Variants in CCDC102B observed in about 807,000 individuals in gnomAD.
CCDC102B encodes the protein coiled-coil domain containing 102B, also known as coiled-coil domain-containing protein 102B.
Under a neutral mutation model 57.4 loss-of-function variants are expected in CCDC102B, and 75 were observed. The ratio of observed to expected loss-of-function variants is 1.31; its 90% CI spans 1.08 to 1.58. CCDC102B has a LOEUF of 1.58. CCDC102B is among the 40% of genes most tolerant of loss of function. The pLI, the probability that CCDC102B is intolerant of heterozygous loss-of-function variation, is 0.00. For missense variants in CCDC102B, 636 were observed against 582.6 expected (o/e 1.09, Z -0.94); for synonymous variants, 206 against 201.9 (o/e 1.02, Z -0.17).
At chr18:68,975,951 C>T (rs529994348) in intron 6 of CCDC102B, among the ~76,000 whole-genome samples, 6 of 151,468 alleles carry the variant, frequency 4.0e-5, no homozygotes, top group African/African-American at 1.5e-4. Flanking sequence ...TTTATTAGTA[C>T]GGACAGCAAT....
At chr18:68,736,732 C>T (rs1247548015) in intron 2 of CCDC102B, among the ~76,000 whole-genome samples, 11 of 152,070 alleles carry the variant, frequency 7.2e-5, no homozygotes, top group Admixed American at 7.2e-4. Context: ...GAGACTTATT[C>T]CCTATCACTA....
chr18:68,953,404 G>A (rs2049756186), intron 6 of CCDC102B, among the ~76,000 whole-genome samples: 1 of 145,062 alleles, frequency 6.9e-6, no homozygotes, highest in Admixed American at 6.9e-5. Flanking sequence ...AGTATGAGGT[G>A]GTATGTCATT....
intron 2 of CCDC102B, among the ~76,000 whole-genome samples, chr18:68,729,813 A>G (rs113165698): frequency 0.014 from 2,182 of 152,324 alleles, 56 homozygotes; most frequent in African/African-American, 0.048. Context: ...AGACACCATG[A>G]AGAAAGTGAA....
At chr18:68,857,352 A>T (rs1227355111) in intron 4 of CCDC102B, among the ~76,000 whole-genome samples, 1 of 100,390 alleles carries the variant, frequency 1.0e-5, no homozygotes, top group African/African-American at 3.8e-5. Flanking sequence ...ATATATTATA[A>T]ATATATATAT....
intron 4 of CCDC102B, among the ~76,000 whole-genome samples, chr18:68,864,626 A>G (rs546656549): frequency 6.6e-6 from 1 of 152,096 alleles, no homozygotes; most frequent in Non-Finnish European, 1.5e-5. Context: ...TATATCTTCC[A>G]CTACTTCATT....
intron 6 of CCDC102B, among the ~76,000 whole-genome samples, chr18:68,962,135 C>T (rs748508689): frequency 6.6e-6 from 1 of 152,062 alleles, no homozygotes; most frequent in Non-Finnish European, 1.5e-5. Context: ...AGCATATATT[C>T]CATGTTTTGC....
At chr18:69,012,113 T>C (rs2051534237) in intron 7 of CCDC102B, among the ~76,000 whole-genome samples, 1 of 152,144 alleles carries the variant, frequency 6.6e-6, no homozygotes, top group African/African-American at 2.4e-5. Flanking sequence ...AAGATATATA[T>C]GTACTTTGTA....
At chr18:68,998,987 TATATATATATATAG>T (rs370482288) in intron 6 of CCDC102B, among the ~76,000 whole-genome samples, 3,191 of 80,478 alleles carry the variant, frequency 0.04, 20 homozygotes, top group South Asian at 0.078. Context: ...TATATATATA[TATATATATATATAG>T]AGAGAGAGAG....
intron 6 of CCDC102B, among the ~76,000 whole-genome samples, chr18:68,954,459 A>G (rs1476704473): frequency 6.6e-6 from 1 of 152,106 alleles, no homozygotes; most frequent in African/African-American, 2.4e-5. Flanking sequence ...GAACTAGAAA[A>G]CACATTCTGA....
At chr18:69,002,433 C>CAA (rs2051227778) in intron 6 of CCDC102B, among the ~76,000 whole-genome samples, 1 of 152,176 alleles carries the variant, frequency 6.6e-6, no homozygotes, top group South Asian at 2.1e-4. Context: ...GCTGTATAAT[C>CAA]ATACTCTCAG....
chr18:68,866,764 T>A (rs2039004089), intron 4 of CCDC102B: 1 of 653,556 alleles, frequency 1.5e-6, no homozygotes, highest in Non-Finnish European at 2.9e-6. Flanking sequence ...TGCACGGGTC[T>A]GTCTTTTTGG....
At chr18:68,894,923 T>A (rs1417725061) in intron 5 of CCDC102B, among the ~76,000 whole-genome samples, 1 of 151,890 alleles carries the variant, frequency 6.6e-6, no homozygotes, top group African/African-American at 2.4e-5. Flanking sequence ...TAATGTTAAA[T>A]CAATTTATTT....
At chr18:68,886,050 AAT>A (rs200812969) in intron 5 of CCDC102B, among the ~76,000 whole-genome samples, 2 of 151,118 alleles carry the variant, frequency 1.3e-5, no homozygotes, top group Admixed American at 6.6e-5. Context: ...GTCACTTGTA[AAT>A]ATATATATAT....
At chr18:68,988,618 AAATAT>A (rs1263839939) in intron 6 of CCDC102B, among the ~76,000 whole-genome samples, 13 of 152,276 alleles carry the variant, frequency 8.5e-5, no homozygotes, top group Non-Finnish European at 1.6e-4. Flanking sequence ...ATGAACTCGG[AAATAT>A]AATACCTGAA....
At chr18:68,903,051 T>TA (rs1159468442) in intron 6 of CCDC102B, among the ~76,000 whole-genome samples, 1 of 152,138 alleles carries the variant, frequency 6.6e-6, no homozygotes, top group Non-Finnish European at 1.5e-5. Flanking sequence ...ATCGTCGTAC[T>TA]AAAAAATAAA....
downstream of CCDC102B, chr18:69,055,318 G>C (rs376009163): frequency 2.1e-4 from 42 of 204,666 alleles, no homozygotes; most frequent in African/African-American, 9.4e-4. Context: ...CTTCAAGTGC[G>C]CACTGGTGTG....
chr18:68,926,952 A>G (rs529664778), intron 6 of CCDC102B, among the ~76,000 whole-genome samples: 2 of 152,140 alleles, frequency 1.3e-5, no homozygotes, highest in African/African-American at 4.8e-5. Context: ...TAAAAATGTT[A>G]GCTGATTAGA....
intron 1 of CCDC102B, among the ~76,000 whole-genome samples, chr18:68,824,925 A>G (rs1196303875): frequency 1.3e-5 from 2 of 152,222 alleles, no homozygotes; most frequent in Non-Finnish European, 2.9e-5. Flanking sequence ...AAAACTGGAA[A>G]GGCATAGAGA....
intron 6 of CCDC102B, among the ~76,000 whole-genome samples, chr18:68,950,089 A>T (rs1489042896): frequency 6.6e-6 from 1 of 152,164 alleles, no homozygotes; most frequent in Non-Finnish European, 1.5e-5. Context: ...ATTCAAGATA[A>T]CATGAGATGA....
Sources: gnomAD v4.1 joint callset for allele counts (sites outside exome capture counted in the v4.1 genomes callset) on GRCh38, gnomAD v4.1.1 for gene constraint, MANE v1.5 for transcripts, NCBI Gene and HGNC (gene_info 2026-07-23, HGNC 2026-07-21) for gene names.